Variants in MCF2L observed in about 807,000 individuals in gnomAD.
MCF2L encodes the protein MCF.2 cell line derived transforming sequence like.
In MCF2L, 97 loss-of-function variants were observed where a neutral mutation model predicts 153.4. That is an observed-to-expected ratio of 0.63 (90% CI 0.54 to 0.75). MCF2L has a LOEUF of 0.75. MCF2L is among the 30% of genes least tolerant of loss of function. MCF2L has a pLI of 0.00. For missense variants in MCF2L, 1,347 were observed against 1,495.2 expected (o/e 0.90, Z 1.64); for synonymous variants, 659 against 632.2 (o/e 1.04, Z -0.64).
At chr13:112,934,016 T>A (rs1459534112) in intron 2 of MCF2L, among the ~76,000 whole-genome samples, 1 of 152,260 alleles carries the variant, frequency 6.6e-6, no homozygotes, top group African/African-American at 2.4e-5. Flanking sequence ...TTCATAAAAC[T>A]TCATCCAGCC....
At chr13:113,083,150 G>A (rs770084739) in intron 17 of MCF2L, among the ~76,000 whole-genome samples, 6 of 152,146 alleles carry the variant, frequency 3.9e-5, no homozygotes, top group Non-Finnish European at 5.9e-5. Flanking sequence ...GGTGTAGGGT[G>A]CACACGCAGT....
At chr13:113,019,724 G>A (rs2084758886) in intron 2 of MCF2L, among the ~76,000 whole-genome samples, 1 of 152,206 alleles carries the variant, frequency 6.6e-6, no homozygotes, top group African/African-American at 2.4e-5. Context: ...GTTTGGGGAG[G>A]TGAGGCCTTT....
chr13:113,093,761 G>C (rs1166405292), intron 26 of MCF2L: 1 of 152,386 alleles, frequency 6.6e-6, no homozygotes, highest in Non-Finnish European at 1.5e-5. Context: ...CCTGCTGCCT[G>C]GTTGCTGGCT....
intron 27 of MCF2L, 186 bp from the exon 28 acceptor site, chr13:113,096,185 C>T (rs2035635285): frequency 3.3e-6 from 2 of 605,360 alleles, no homozygotes; most frequent in South Asian, 3.9e-5. Context: ...CCTTCCATCG[C>T]CGCTGCGGTA....
rs773864931 is a variant in MCF2L, at chr13:113,064,426, C to T, written c.606+6C>T. The T allele has an allele frequency of 5.6e-6, 9 of 1,600,036 alleles. No individual in the cohort carries two copies. The highest frequency in any genetic ancestry group is 6.0e-6 in the Non-Finnish European group (7 of 1,169,752). ...GGTGGCTGTGCCAGCGCACGGTGAG[C>T]CGCGTCGGGGCCAGCGGGGCTGGCT... On this transcript the variant is annotated splice_donor_region_variant and intron_variant, in intron 6 of 29. Transcript: ENST00000535094. The surrounding 1 kb of genome is among the most constrained non-coding windows in gnomAD (Gnocchi z 6.0).
In MCF2L at chr13:112,979,781, G is replaced by A. The variant is rs377245417; in HGVS notation, c.79+10323G>A. The A allele has an allele frequency of 7.8e-5, 125 of 1,599,530 alleles. No individual in the cohort carries two copies. The African/African-American group carries it at 1.5e-3, about 19-fold the overall frequency. On this transcript the variant is annotated intron_variant, in intron 1 of 29. Coordinates refer to ENST00000535094, the MANE Select transcript of MCF2L (RefSeq NM_001112732.3). The stretch of plus-strand genomic sequence containing the variant: ...CAGGTGAGATACAATGGGGTCGCAG[G>A]GCATGGGGGCAGGTGCTGTGTCCCC...
At position 113,088,327 on chromosome 13, in the gene MCF2L, G is replaced by T. The variant is rs766610547; in HGVS notation, c.2689G>T (p.Ala897Ser). 6.2e-7 allele frequency: 1 copy of T among 1,613,936 alleles called. No individual in the cohort carries two copies. The highest frequency in any genetic ancestry group is 8.5e-7 in the Non-Finnish European group (1 of 1,179,952). The change falls in exon 24 of 30, where the codon GCG (alanine) becomes TCG (serine). Residue 897 changes from alanine to serine, a missense_variant and splice_region_variant. By Grantham distance (99) the Ala-to-Ser change is moderately conservative (BLOSUM62 1). Coordinates refer to ENST00000535094, the MANE Select transcript of MCF2L (RefSeq NM_001112732.3). ...NAREEVYIVQ[A>S]PTPEIKAAWV... ...CCTGGCGTTTCTTTTGGGGAAACAG[G>T]CGCCAACTCCTGAGATTAAAGCCGC...
chr13:112,975,702 G>A (rs949379171), intron 1 of MCF2L, among the ~76,000 whole-genome samples: 2 of 152,214 alleles, frequency 1.3e-5, no homozygotes, highest in African/African-American at 4.8e-5. Context: ...GTGTGTGACC[G>A]CACTGACGAT....
chr13:112,922,828 C>G (rs746708781), intron 2 of MCF2L, among the ~76,000 whole-genome samples: 69 of 152,228 alleles, frequency 4.5e-4, no homozygotes, highest in South Asian at 1.4e-3. Flanking sequence ...GAGCAAGACT[C>G]CATCTCTACA....
At chr13:112,935,691 T>G (rs951685403) in intron 2 of MCF2L, among the ~76,000 whole-genome samples, 3 of 152,230 alleles carry the variant, frequency 2.0e-5, no homozygotes, top group African/African-American at 7.2e-5. Context: ...CAGTGCATTT[T>G]CTACTTATGA....
At chr13:112,979,341 G>A (rs2082319408) in intron 1 of MCF2L, 4 of 1,258,850 alleles carry the variant, frequency 3.2e-6, no homozygotes, top group East Asian at 8.4e-5. Flanking sequence ...CAGGCCCAGC[G>A]GCTGGGTTTC....
In MCF2L at chr13:112,982,795, C is replaced by T. The variant is rs148396950; in HGVS notation, c.79+13337C>T. Among the ~76,000 whole-genome samples, 876 of 152,228 alleles carry T rather than the reference C, an allele frequency of 5.8e-3. 15 individuals are homozygous for T. Among genetic ancestry groups the T allele is most frequent in the African/African-American group, 0.02 (836 of 41,536 alleles). On this transcript the variant is annotated intron_variant, in intron 1 of 29. Coordinates refer to ENST00000535094, the MANE Select transcript of MCF2L (RefSeq NM_001112732.3). ...TGATCGTGTCTGTGGTTGGAAGTGACGTCTGGGCTGGAGCTGACACCCAGC... is the reference window on the plus strand; with the variant it reads ...TGATCGTGTCTGTGGTTGGAAGTGATGTCTGGGCTGGAGCTGACACCCAGC...
chr13:112,969,289 G>A lies in MCF2L; in HGVS notation c.-91G>A. On this transcript the variant is annotated 5_prime_UTR_variant, in exon 1 of 30. Transcript: ENST00000535094. This position sits in a 1 kb window ranked among gnomAD's most constrained non-coding sequence, Gnocchi z 4.8. ...CCGTGGCCCCCTCCCCGCCTCCGCC[G>A]CGCCCCCTCCGCACTCGCACGGCCC... 6.6e-7 allele frequency: 1 copy of A among 1,511,266 alleles called. No homozygotes were observed. Among genetic ancestry groups the A allele is most frequent in the South Asian group, 1.3e-5 (1 of 79,884 alleles). 93.6% of individuals were successfully genotyped at this position (1,511,266 alleles called of 1,614,324 possible).
chr13:113,090,874 G>C, intron 26 of MCF2L: 8 of 1,161,512 alleles, frequency 6.9e-6, no homozygotes, highest in Non-Finnish European at 7.5e-6. Context: ...CGTCCCTAGA[G>C]ACGGGCCCCG....
At chr13:113,080,470 G>A (rs1046189275) in intron 15 of MCF2L, among the ~76,000 whole-genome samples, 8 of 152,202 alleles carry the variant, frequency 5.3e-5, no homozygotes, top group Admixed American at 2.0e-4. Flanking sequence ...TCTGCGGGCC[G>A]ACAGCTGTCT....
At chr13:113,090,508 G>GTC (rs2035106028) in intron 26 of MCF2L, 1 of 982,374 alleles carries the variant, frequency 1.0e-6, no homozygotes, top group African/African-American at 1.8e-5. Context: ...CTGGCTGCGT[G>GTC]TCTCTGCTCC....
chr13:113,060,714 T>C lies in MCF2L; in HGVS notation c.489+2T>C. ...GATGACTTTAAGATGAAGGTGCCGG[T>C]AAGTGCGCCCCGCCTCCATCCTGCG... On this transcript the variant is annotated splice_donor_variant, in intron 5 of 29. Coordinates refer to ENST00000535094, the MANE Select transcript of MCF2L (RefSeq NM_001112732.3). LOFTEE classifies it high-confidence loss of function. 1 of 1,612,494 alleles carries C rather than the reference T, an allele frequency of 6.2e-7. No homozygotes were observed.
In MCF2L at chr13:113,076,053, C is replaced by T. The variant is rs2033440611; in HGVS notation, c.1396C>T (p.Leu466Phe). 1.2e-6 allele frequency: 2 copies of T among 1,614,078 alleles called. No individual in the cohort carries two copies. Among genetic ancestry groups the T allele is most frequent in the Non-Finnish European group, 1.7e-6 (2 of 1,180,008 alleles). ...CQSQDGAEAA[L>F]QEIEKFLETG... ...GTCCCAGGACGGCGCGGAGGCTGCC[C>T]TCCAGGAAATCGAGAAGTTTTTGGA... Residue 466 changes from leucine to phenylalanine, a missense_variant, in exon 12 of 30, where the codon CTC becomes TTC. By Grantham distance (22) the Leu-to-Phe change is conservative. This residue lies in a region of MCF2L where 820 missense variants were observed against 921.2 expected (regional missense o/e 0.89). Coordinates refer to ENST00000535094, the MANE Select transcript of MCF2L (RefSeq NM_001112732.3).
intron 1 of MCF2L, among the ~76,000 whole-genome samples, chr13:112,988,737 A>G (rs34916828): frequency 5.6e-4 from 71 of 126,380 alleles, no homozygotes; most frequent in African/African-American, 1.9e-3. Context: ...GAGCTACCAC[A>G]CCCGAGTCCT....
Sources: allele counts gnomAD v4.1 joint callset (sites outside exome capture counted in the v4.1 genomes callset), GRCh38; gene constraint gnomAD v4.1.1; regional missense constraint gnomAD v4.1.1; non-coding constraint Gnocchi (gnomAD v3.1); transcripts MANE v1.5; gene names NCBI Gene and HGNC (gene_info 2026-07-23, HGNC 2026-07-21).